AOAH: variants seen among roughly 807,000 people sequenced by gnomAD.
The protein encoded by AOAH is acyloxyacyl hydrolase.
In AOAH, 64 loss-of-function variants were observed where a neutral mutation model predicts 92.2. The ratio of observed to expected loss-of-function variants is 0.69; its 90% CI spans 0.57 to 0.86. The LOEUF is 0.86. Ranked by LOEUF, AOAH falls within the 40% of genes least tolerant of loss-of-function variation. The pLI, the probability that AOAH is intolerant of heterozygous loss-of-function variation, is 0.00. For missense variants in AOAH, 656 were observed against 694.6 expected (o/e 0.94, Z 0.62); for synonymous variants, 263 against 254.5 (o/e 1.03, Z -0.32).
At chr7:36,543,947 C>CTTTCTTTTTTTTTTTTTT (rs55745823) in intron 15 of AOAH, among the ~76,000 whole-genome samples, 15 of 91,008 alleles carry the variant, frequency 1.6e-4, no homozygotes, top group Non-Finnish European at 2.8e-4. Flanking sequence ...TTCTTTCTTT[C>CTTTCTTTTTTTTTTTTTT]TTTTTTTTTT....
intron 1 of AOAH, among the ~76,000 whole-genome samples, chr7:36,703,638 T>C (rs1324395368): frequency 6.6e-6 from 1 of 152,096 alleles, no homozygotes; most frequent in Non-Finnish European, 1.5e-5. Flanking sequence ...AGTGAGAACA[T>C]GTGGTGTTTG....
intron 9 of AOAH, among the ~76,000 whole-genome samples, chr7:36,619,900 C>T (rs72630163): frequency 0.023 from 3,517 of 152,188 alleles, 133 homozygotes; most frequent in East Asian, 0.13. Flanking sequence ...ATTACTTTTG[C>T]ACCAACATAA....
chr7:36,720,512 T>G (rs1408721262), intron 1 of AOAH, among the ~76,000 whole-genome samples: 1 of 152,150 alleles, frequency 6.6e-6, no homozygotes, highest in Non-Finnish European at 1.5e-5. Flanking sequence ...AGGCTATTAC[T>G]TCACCTTCCC....
intron 11 of AOAH, among the ~76,000 whole-genome samples, chr7:36,596,571 G>C (rs924096922): frequency 6.6e-6 from 1 of 152,174 alleles, no homozygotes; most frequent in East Asian, 1.9e-4. Context: ...TGAAGACACA[G>C]GGGGAAGGCC....
chr7:36,683,160 A>T (rs2116740489), intron 2 of AOAH, among the ~76,000 whole-genome samples: 1 of 152,350 alleles, frequency 6.6e-6, no homozygotes, highest in Non-Finnish European at 1.5e-5. Context: ...TATATTTAAG[A>T]TGCTCAGGGA....
At chr7:36,585,180 C>T (rs897088557) in intron 12 of AOAH, among the ~76,000 whole-genome samples, 2 of 151,548 alleles carry the variant, frequency 1.3e-5, no homozygotes, top group African/African-American at 4.9e-5. Context: ...GACAGAGAGG[C>T]TGGGGGATGA....
chr7:36,655,080 G>A lies in AOAH; in HGVS notation c.390+4086C>T, dbSNP rs572016955. On this transcript the variant is annotated intron_variant, in intron 4 of 20. Coordinates refer to ENST00000617537, the MANE Select transcript of AOAH (RefSeq NM_001637.4). ...AAGTATGTGCCTGGCATGGTGGAGA[G>A]AACAAAGACAGACAGGCAAGGTACA... is the stretch of plus-strand genomic sequence containing the variant. 9.8e-5 allele frequency among the ~76,000 whole-genome samples: 15 copies of A among 152,290 alleles called. No individual in the cohort carries two copies. In the East Asian group the frequency reaches 2.7e-3, roughly 27 times the overall value.
At position 36,520,703 on chromosome 7, in the gene AOAH, C is replaced by T. The variant is rs374582416; in HGVS notation, c.1599+1336G>A. Among the ~76,000 whole-genome samples, 105 of 42,060 alleles carry T rather than the reference C, an allele frequency of 2.5e-3. 1 individual carries two copies. Among genetic ancestry groups the T allele is most frequent in the African/African-American group, 7.3e-3 (95 of 12,982 alleles). 27.6% of individuals were successfully genotyped at this position (42,060 alleles called of 152,430 possible). On this transcript the variant is annotated intron_variant, in intron 20 of 20. Coordinates refer to ENST00000617537, the MANE Select transcript of AOAH (RefSeq NM_001637.4). ...CGGGGCAACAAGAGTGAAACTCTGT[C>T]TCGAGAAAAAAAAAAAAAAAAAATA... is the stretch of plus-strand genomic sequence containing the variant.
chr7:36,660,491 T>C (rs982178181), intron 3 of AOAH, among the ~76,000 whole-genome samples: 2 of 152,076 alleles, frequency 1.3e-5, no homozygotes, highest in Non-Finnish European at 2.9e-5. Flanking sequence ...AAGTTTTATA[T>C]TGTTTAGTAG....
intron 3 of AOAH, among the ~76,000 whole-genome samples, chr7:36,662,202 T>C (rs1332480967): frequency 6.6e-6 from 1 of 152,130 alleles, no homozygotes; most frequent in Admixed American, 6.5e-5. Flanking sequence ...GGATAACCAA[T>C]ATGTGAAAAC....
intron 13 of AOAH, among the ~76,000 whole-genome samples, chr7:36,555,726 G>T (rs1267791671): frequency 6.6e-6 from 1 of 152,198 alleles, no homozygotes; most frequent in African/African-American, 2.4e-5. Flanking sequence ...GAGCGTATGT[G>T]TCAAGGAATT....
intron 3 of AOAH, among the ~76,000 whole-genome samples, chr7:36,672,679 A>G (rs1054015328): frequency 3.3e-5 from 5 of 152,158 alleles, no homozygotes; most frequent in African/African-American, 1.2e-4. Flanking sequence ...TGTGGGGCTT[A>G]AAACCCAGAT....
intron 3 of AOAH, among the ~76,000 whole-genome samples, chr7:36,663,389 A>G (rs1779188271): frequency 6.6e-6 from 1 of 152,230 alleles, no homozygotes; most frequent in Non-Finnish European, 1.5e-5. Context: ...GGACAAATGC[A>G]TAATGACTTG....
chr7:36,550,814 G>C (rs1786175732), intron 13 of AOAH, among the ~76,000 whole-genome samples: 1 of 152,300 alleles, frequency 6.6e-6, no homozygotes, highest in African/African-American at 2.4e-5. Context: ...TTGGGGATAA[G>C]TGCATTTTAC....
chr7:36,704,654 T>A (rs1043522573), intron 1 of AOAH, among the ~76,000 whole-genome samples: 1 of 152,150 alleles, frequency 6.6e-6, no homozygotes, highest in Admixed American at 6.5e-5. Context: ...GAGGCCAGCA[T>A]CATCCTGATA....
At chr7:36,647,646 T>A (rs908759761) in intron 4 of AOAH, among the ~76,000 whole-genome samples, 3 of 152,216 alleles carry the variant, frequency 2.0e-5, no homozygotes, top group African/African-American at 7.2e-5. Flanking sequence ...TCTATGAGTT[T>A]AATAGCCCCC....
At chr7:36,594,276 C>A in intron 12 of AOAH, 63 bp downstream of exon 12, 1 of 1,294,192 alleles carries the variant, frequency 7.7e-7, no homozygotes, top group Non-Finnish European at 1.1e-6. Context: ...TAGCAACCCC[C>A]ATCTCTTGTT....
intron 4 of AOAH, among the ~76,000 whole-genome samples, chr7:36,653,429 C>T (rs1055347432): frequency 6.6e-6 from 1 of 152,156 alleles, no homozygotes; most frequent in Non-Finnish European, 1.5e-5. Flanking sequence ...ATTTGTCATG[C>T]GTCACTTTCT....
intron 3 of AOAH, among the ~76,000 whole-genome samples, chr7:36,672,730 A>C (rs1160861933): frequency 6.6e-6 from 1 of 152,106 alleles, no homozygotes; most frequent in African/African-American, 2.4e-5. Context: ...GGCACATGTA[A>C]ACCTATGTAA....
Sources: allele counts gnomAD v4.1 joint callset (sites outside exome capture counted in the v4.1 genomes callset), GRCh38; gene constraint gnomAD v4.1.1; transcripts MANE v1.5; gene names NCBI Gene and HGNC (gene_info 2026-07-23, HGNC 2026-07-21).